SIGLEC15: variants seen among roughly 807,000 people sequenced by gnomAD.
SIGLEC15 encodes the protein sialic acid-binding Ig-like lectin 15.
A neutral mutation model predicts 26.2 loss-of-function variants in SIGLEC15; 31 were observed. The observed-to-expected ratio is 1.18, with a 90% CI of 0.89 to 1.60. The LOEUF is 1.60. SIGLEC15 is among the 40% of genes most tolerant of loss of function. The pLI is 0.00. For missense variants in SIGLEC15, 501 were observed against 488.4 expected (o/e 1.03, Z -0.24); for synonymous variants, 207 against 221.9 (o/e 0.93, Z 0.60).
At position 45,842,689 on chromosome 18, in the gene SIGLEC15, G is replaced by T. The variant is rs546656; in HGVS notation, c.*502G>T. 0.051 allele frequency: 8,067 copies of T among 158,166 alleles called. 360 individuals carry two copies. Among genetic ancestry groups the T allele is most frequent in the African/African-American group, 0.12 (5,143 of 41,624 alleles). The allele number at this position is 158,166 out of a possible 1,614,324, so 9.8% of individuals were successfully genotyped here. ...CGGACAATCATATTCTTCCCTCCTG[G>T]CTGGGAGGACTACAAAGATCTGAGG... is the stretch of plus-strand genomic sequence containing the variant. On this transcript the variant is annotated 3_prime_UTR_variant, in exon 6 of 6. Transcript: ENST00000389474.
At chr18:45,831,182 C>T (rs941418825) in intron 1 of SIGLEC15, among the ~76,000 whole-genome samples, 1 of 152,198 alleles carries the variant, frequency 6.6e-6, no homozygotes, top group African/African-American at 2.4e-5. Context: ...CTCCATGGTG[C>T]CTCGGGCCGT....
rs563653099 is a variant in SIGLEC15 at position 45,842,027 on chromosome 18, C to T, written c.906-79C>T. 9.2e-6 allele frequency: 12 copies of T among 1,303,724 alleles called. No homozygotes were observed. In the Admixed American group the frequency reaches 1.9e-4, roughly 20 times the overall value. 80.8% of individuals were successfully genotyped at this position (1,303,724 alleles called of 1,614,324 possible). ...TCCCCAGAATGTCTCCTCTTCTTGG[C>T]CCACTGCTGGCATATAGTTTGGGCA... On this transcript the variant is annotated intron_variant, in intron 5 of 5. Transcript: ENST00000389474.
At chr18:45,830,090 T>G (rs2145033514) in intron 1 of SIGLEC15, among the ~76,000 whole-genome samples, 1 of 152,210 alleles carries the variant, frequency 6.6e-6, no homozygotes, top group East Asian at 1.9e-4. Flanking sequence ...GCAGCTCAGC[T>G]TTCTCTCTAG....
chr18:45,827,596 G>C (rs968181380), intron 1 of SIGLEC15, among the ~76,000 whole-genome samples: 2 of 152,222 alleles, frequency 1.3e-5, no homozygotes, highest in African/African-American at 4.8e-5. Flanking sequence ...TGGGCAGGCT[G>C]TCTACCTTTC....
At position 45,842,303 on chromosome 18, in the gene SIGLEC15, T is replaced by C; in HGVS notation, c.*116T>C. ...GGCACCTTGGCAGCCCCCAGCTGGG[T>C]GGCTCCTCCCCTGCTCAAGGTCAAG... On this transcript the variant is annotated 3_prime_UTR_variant, in exon 6 of 6. Transcript: ENST00000389474. 9.0e-7 allele frequency: 1 copy of C among 1,116,808 alleles called. No homozygotes were observed. Among genetic ancestry groups the C allele is most frequent in the Non-Finnish European group, 1.3e-6 (1 of 748,990 alleles). The allele number at this position is 1,116,808 out of a possible 1,614,324, so 69.2% of individuals were successfully genotyped here.
At position 45,843,064 on chromosome 18, in the gene SIGLEC15, A is replaced by C. The variant is rs915613218; in HGVS notation, c.*877A>C. ...TTGCCTTGAGCTGGGACCCCTAGGA[A>C]ATGGAAACCAGGCTCCCCTCTCTCA... On this transcript the variant is annotated 3_prime_UTR_variant, in exon 6 of 6. Transcript: ENST00000389474. The C allele has an allele frequency of 2.6e-5, 4 of 152,226 alleles. No homozygotes were observed. Among genetic ancestry groups the C allele is most frequent in the Non-Finnish European group, 5.9e-5 (4 of 68,086 alleles). 9.4% of individuals were successfully genotyped at this position (152,226 alleles called of 1,614,324 possible).
chr18:45,825,923 C>T (rs1425745677), intron 1 of SIGLEC15, 143 bp downstream of exon 1: 4 of 950,732 alleles, frequency 4.2e-6, no homozygotes, highest in Non-Finnish European at 6.4e-6. Flanking sequence ...CGCTTGGGGC[C>T]TGTGGTGCCA....
chr18:45,842,286 G>C lies in SIGLEC15; in HGVS notation c.*99G>C. 7.3e-7 allele frequency: 1 copy of C among 1,376,794 alleles called. No individual in the cohort carries two copies. Among genetic ancestry groups the C allele is most frequent in the South Asian group, 1.2e-5 (1 of 84,266 alleles). The allele number at this position is 1,376,794 out of a possible 1,614,324, so 85.3% of individuals were successfully genotyped here. ...GCCAGTCCTGGTTCTCGGGCACCTTGGCAGCCCCCAGCTGGGTGGCTCCTC... is the reference window on the plus strand; with the variant it reads ...GCCAGTCCTGGTTCTCGGGCACCTTCGCAGCCCCCAGCTGGGTGGCTCCTC... On this transcript the variant is annotated 3_prime_UTR_variant, in exon 6 of 6. Transcript: ENST00000389474.
Position 45,842,294 on chromosome 18 carries a change from C to T in SIGLEC15, c.*107C>T. 7.9e-7 allele frequency: 1 copy of T among 1,269,854 alleles called. No homozygotes were observed. The highest frequency in any genetic ancestry group is 1.8e-5 in the Admixed American group (1 of 54,660). 78.7% of individuals were successfully genotyped at this position (1,269,854 alleles called of 1,614,324 possible). A position where few individuals can be genotyped will look rare whatever the true frequency, so the allele number is the denominator to read the frequency against. ...TGGTTCTCGGGCACCTTGGCAGCCC[C>T]CAGCTGGGTGGCTCCTCCCCTGCTC... On this transcript the variant is annotated 3_prime_UTR_variant, in exon 6 of 6. Coordinates refer to ENST00000389474, the MANE Select transcript of SIGLEC15 (RefSeq NM_213602.3).
At chr18:45,835,701 A>G (rs1404361825) in intron 1 of SIGLEC15, among the ~76,000 whole-genome samples, 2 of 152,188 alleles carry the variant, frequency 1.3e-5, no homozygotes, top group African/African-American at 4.8e-5. Context: ...TAACACTTTT[A>G]CCTGATGGCA....
Position 45,842,478 on chromosome 18 carries a change from A to G in SIGLEC15, c.*291A>G, listed in dbSNP as rs888803016. ...GAGAGAGAGTACACGCATTAGCTTG[A>G]GCGTGAAACTTCCAGAAATGTTCCC... On this transcript the variant is annotated 3_prime_UTR_variant, in exon 6 of 6. Coordinates refer to ENST00000389474, the MANE Select transcript of SIGLEC15 (RefSeq NM_213602.3). The G allele has an allele frequency of 2.7e-6, 1 of 367,520 alleles. No homozygotes were observed. The highest frequency in any genetic ancestry group is 5.0e-6 in the Non-Finnish European group (1 of 199,562). The allele number at this position is 367,520 out of a possible 1,614,324, so 22.8% of individuals were successfully genotyped here.
At position 45,837,717 on chromosome 18, in the gene SIGLEC15, C is replaced by G. The variant is rs777598397; in HGVS notation, c.317C>G (p.Thr106Arg). ...AAARGSELCQ[T>R]ALSLHGRFRL... ...GCGCGGGGCAGCGAGCTCTGCCAGA[C>G]GGCGCTGAGCCTGCACGGCCGCTTC... Residue 106 changes from threonine (T) to arginine (R), a missense_variant, in exon 3 of 6, where the codon ACG (threonine) becomes AGG (arginine). By Grantham distance (71) the Thr-to-Arg change is moderately conservative. Transcript: ENST00000389474. The G allele has an allele frequency of 2.7e-6, 4 of 1,493,298 alleles. No individual in the cohort carries two copies. In the South Asian group the frequency reaches 3.8e-5, roughly 14 times the overall value. The allele number at this position is 1,493,298 out of a possible 1,614,324, so 92.5% of individuals were successfully genotyped here.
chr18:45,841,396 G>A (rs1055160500), intron 5 of SIGLEC15, among the ~76,000 whole-genome samples: 2 of 152,184 alleles, frequency 1.3e-5, no homozygotes, highest in African/African-American at 4.8e-5. Context: ...ATTTCTGGAG[G>A]GTGGACGGGA....
At position 45,837,013 on chromosome 18, in the gene SIGLEC15, C is replaced by G; in HGVS notation, c.53-16C>G. 3 of 1,265,266 alleles carry G rather than the reference C, an allele frequency of 2.4e-6. No individual in the cohort carries two copies. Among genetic ancestry groups the G allele is most frequent in the Middle Eastern group, 3.8e-4 (2 of 5,322 alleles). The allele number at this position is 1,265,266 out of a possible 1,614,324, so 78.4% of individuals were successfully genotyped here. On this transcript the variant is annotated splice_polypyrimidine_tract_variant and intron_variant, in intron 1 of 5. Coordinates refer to ENST00000389474, the MANE Select transcript of SIGLEC15 (RefSeq NM_213602.3). ...TTATTCACGTGTAACCCGGGGTTAA[C>G]TGTGTTTATCTGTAGGCTCATTTGT...
chr18:45,838,607 C>T (rs2048295687), intron 3 of SIGLEC15, 111 bp from the exon 4 acceptor site: 1 of 1,379,316 alleles, frequency 7.2e-7, no homozygotes, highest in South Asian at 1.5e-5. Context: ...CAGCCTGGCA[C>T]CCAAGTGCCC....
At chr18:45,837,348 A>C (rs1254966939) in intron 2 of SIGLEC15, among the ~76,000 whole-genome samples, 165 bp from the exon 3 acceptor site, 1 of 152,184 alleles carries the variant, frequency 6.6e-6, no homozygotes, top group Non-Finnish European at 1.5e-5. Context: ...TCAAGTCACA[A>C]GGTGGGGTTC....
chr18:45,829,422 AT>A (rs1006941559), intron 1 of SIGLEC15, among the ~76,000 whole-genome samples: 2 of 152,210 alleles, frequency 1.3e-5, no homozygotes, highest in African/African-American at 4.8e-5. Flanking sequence ...CTGATAACCT[AT>A]CTTGACAACT....
chr18:45,836,456 C>A (rs1055800615), intron 1 of SIGLEC15, among the ~76,000 whole-genome samples: 1 of 152,116 alleles, frequency 6.6e-6, no homozygotes, highest in Admixed American at 6.5e-5. Flanking sequence ...TTGGGAGGCA[C>A]CACCCCTGGC....
In SIGLEC15 at chr18:45,842,412, T is replaced by A. The variant is rs1264223995; in HGVS notation, c.*225T>A. ...GATATTTTTGCCAGCATTTCGTAAA[T>A]GTGCATACGTCTGTGTGTGTGTGTG... is the stretch of plus-strand genomic sequence containing the variant. On this transcript the variant is annotated 3_prime_UTR_variant, in exon 6 of 6. Coordinates refer to ENST00000389474, the MANE Select transcript of SIGLEC15 (RefSeq NM_213602.3). The A allele has an allele frequency of 1.7e-6, 1 of 575,398 alleles. No individual in the cohort carries two copies. Among genetic ancestry groups the A allele is most frequent in the African/African-American group, 1.9e-5 (1 of 51,448 alleles). 35.6% of individuals were successfully genotyped at this position (575,398 alleles called of 1,614,324 possible).
Sources: allele counts gnomAD v4.1 joint callset (sites outside exome capture counted in the v4.1 genomes callset), GRCh38; gene constraint gnomAD v4.1.1; transcripts MANE v1.5; gene names NCBI Gene and HGNC (gene_info 2026-07-23, HGNC 2026-07-21).